RNPS1: variants seen among roughly 807,000 people sequenced by gnomAD.
RNPS1 encodes the protein RNA-binding protein with serine-rich domain 1.
For synonymous variants in RNPS1, 147 were observed against 150.0 expected (o/e 0.98, Z 0.15); for missense variants, 300 against 427.6 (o/e 0.70, Z 2.63).
intron 6 of RNPS1, chr16:2,257,826 G>A (rs899264240): frequency 1.3e-5 from 2 of 152,234 alleles, no homozygotes; most frequent in Non-Finnish European, 2.9e-5. Flanking sequence ...AACCAGCTAA[G>A]CTACTTATAC....
At chr16:2,262,125 T>C in intron 6 of RNPS1, 153 bp downstream of exon 6, 1 of 646,188 alleles carries the variant, frequency 1.5e-6, no homozygotes, top group African/African-American at 1.8e-5. Flanking sequence ...AAACCTCAGT[T>C]TGGTCCAGGA....
At chr16:2,264,428 G>C in intron 2 of RNPS1, 97 bp from the exon 3 acceptor site, 1 of 1,567,030 alleles carries the variant, frequency 6.4e-7, no homozygotes, top group Admixed American at 1.7e-5. Context: ...GGGCCACAGA[G>C]ACCCGAGGTG....
At chr16:2,263,693 G>T (rs1413840152) in intron 3 of RNPS1, among the ~76,000 whole-genome samples, 1 of 152,126 alleles carries the variant, frequency 6.6e-6, no homozygotes, top group Non-Finnish European at 1.5e-5. Context: ...GCACACTGCA[G>T]CTTCAACCCC....
chr16:2,262,564 G>T, intron 5 of RNPS1, 133 bp from the exon 6 acceptor site: 1 of 1,075,618 alleles, frequency 9.3e-7, no homozygotes, highest in Non-Finnish European at 1.4e-6. Context: ...TGTTGTTCTG[G>T]GATAAATCTC....
chr16:2,266,779 G>C, intron 1 of RNPS1: 2 of 818,518 alleles, frequency 2.4e-6, no homozygotes, highest in Non-Finnish European at 3.0e-6. Flanking sequence ...TCACAAAAAT[G>C]GGTGAAATTA....
chr16:2,254,773 A>C (rs1240683704), intron 7 of RNPS1, among the ~76,000 whole-genome samples: 1 of 120,272 alleles, frequency 8.3e-6, no homozygotes. Context: ...ATGGAGTCTC[A>C]CTCTGTTGCC....
chr16:2,262,132 AG>A lies in RNPS1; in HGVS notation c.676+145del, dbSNP rs761695740. The A allele has an allele frequency of 1.7e-4, 127 of 750,656 alleles. 1 individual carries two copies. The highest frequency in any genetic ancestry group is 2.3e-4 in the Non-Finnish European group (110 of 475,738). The allele number at this position is 750,656 out of a possible 1,614,324, so 46.5% of individuals were successfully genotyped here. A position where few individuals can be genotyped will look rare whatever the true frequency, so the allele number is the denominator to read the frequency against. On this transcript the variant is annotated intron_variant, in intron 6 of 7. Coordinates refer to ENST00000320225, the MANE Select transcript of RNPS1 (RefSeq NM_080594.4). ...AGCAGCCCAAACCTCAGTTTGGTCC[AG>A]GAACTGCACCCCAGCCTGGGCAACA...
At chr16:2,258,990 G>C (rs181971463) in intron 6 of RNPS1, among the ~76,000 whole-genome samples, 411 of 151,946 alleles carry the variant, frequency 2.7e-3, no homozygotes, top group Admixed American at 4.5e-3. Flanking sequence ...GGATATAGTG[G>C]AGGTTGCCTG....
chr16:2,255,404 T>C (rs2093573475), intron 7 of RNPS1, among the ~76,000 whole-genome samples, 181 bp downstream of exon 7: 2 of 152,266 alleles, frequency 1.3e-5, no homozygotes, highest in African/African-American at 4.8e-5. Context: ...GGGCGTCTCC[T>C]GCCTGTGGCT....
chr16:2,262,602 A>G, intron 5 of RNPS1, 138 bp downstream of exon 5: 1 of 948,560 alleles, frequency 1.1e-6, no homozygotes, highest in East Asian at 2.5e-5. Flanking sequence ...TGGTCCACCA[A>G]GAGGAACGAA....
chr16:2,255,964 A>G, intron 6 of RNPS1: 2 of 498,462 alleles, frequency 4.0e-6, no homozygotes, highest in South Asian at 4.2e-5. Flanking sequence ...TCTCTACTAA[A>G]AAGACAATAA....
At chr16:2,256,289 G>A (rs1243454627) in intron 6 of RNPS1, 11 of 156,234 alleles carry the variant, frequency 7.0e-5, no homozygotes, top group Non-Finnish European at 1.4e-5. Context: ...GGCCAGACGC[G>A]GAGGCTCACG....
At position 2,262,393 on chromosome 16, in the gene RNPS1, A is replaced by C. The variant is rs755046801; in HGVS notation, c.561T>G (p.Ile187Met). The C allele has an allele frequency of 6.2e-7, 1 of 1,614,102 alleles. No homozygotes were observed. The highest frequency in any genetic ancestry group is 8.5e-7 in the Non-Finnish European group (1 of 1,179,996). ...TTTCCACGGGCATGTCAATCATTTT[A>C]ATTTTCCCATAGGTGGAAAATATCT... ...IMEIFSTYGK[I>M]KMIDMPVERM... Residue 187 changes from isoleucine (I) to methionine (M), a missense_variant, in exon 6 of 8, where the codon ATT (isoleucine) becomes ATG (methionine). Physicochemically the swap from Ile to Met is conservative, Grantham distance 10 (BLOSUM62 1). Transcript: ENST00000320225.
chr16:2,262,506 A>C lies in RNPS1; in HGVS notation c.523-75T>G, dbSNP rs1314125127. On this transcript the variant is annotated intron_variant, in intron 5 of 7. Coordinates refer to ENST00000320225, the MANE Select transcript of RNPS1 (RefSeq NM_080594.4). The stretch of plus-strand genomic sequence containing the variant: ...TCAGACGCAGAGAGCTCAGCACATC[A>C]TGACTAAAACCTCGGCAGGGTAAAA... 2.0e-6 allele frequency: 3 copies of C among 1,530,866 alleles called. No individual in the cohort carries two copies. In the East Asian group the frequency reaches 6.8e-5, roughly 34 times the overall value. 94.8% of individuals were successfully genotyped at this position (1,530,866 alleles called of 1,614,324 possible). A position where few individuals can be genotyped will look rare whatever the true frequency, so the allele number is the denominator to read the frequency against.
intron 6 of RNPS1, chr16:2,256,584 G>A (rs1260632813): frequency 2.0e-5 from 3 of 152,346 alleles, no homozygotes; most frequent in East Asian, 1.9e-4. Context: ...AGTAAAGAAT[G>A]TGCTGGAATC....
Position 2,260,268 on chromosome 16 carries a change from G to A in RNPS1, c.676+2010C>T, listed in dbSNP as rs546931187. Among the ~76,000 whole-genome samples the A allele has an allele frequency of 4.1e-5, 6 of 145,432 alleles. No homozygotes were observed. The East Asian group carries it at 8.2e-4, about 20-fold the overall frequency. On this transcript the variant is annotated intron_variant, in intron 6 of 7. Transcript: ENST00000320225. ...CCTCCTAGGTTCAAGCAATTCTCCT[G>A]CCTCAGCCTCCCAAGTAGCTGGGAC...
chr16:2,254,767 A>G (rs1184184729), intron 7 of RNPS1, among the ~76,000 whole-genome samples: 13 of 107,214 alleles, frequency 1.2e-4, no homozygotes, highest in African/African-American at 1.9e-4. Context: ...TTTGAGATGG[A>G]GTCTCACTCT....
At chr16:2,262,069 T>G in intron 6 of RNPS1, 1 of 485,366 alleles carries the variant, frequency 2.1e-6, no homozygotes. Context: ...CTCCACCTAC[T>G]CAGTTAATGT....
intron 6 of RNPS1, 24 bp downstream of exon 6, chr16:2,262,254 G>C: frequency 2.5e-6 from 4 of 1,610,618 alleles, no homozygotes; most frequent in Non-Finnish European, 3.4e-6. Flanking sequence ...TGAGAGGTCA[G>C]GGTTATGTGG....
Sources: allele counts gnomAD v4.1 joint callset (sites outside exome capture counted in the v4.1 genomes callset), GRCh38; gene constraint gnomAD v4.1.1; transcripts MANE v1.5; gene names NCBI Gene and HGNC (gene_info 2026-07-23, HGNC 2026-07-21).